The following EPHA6 variants were observed in gnomAD, a reference collection of about 807,000 sequenced individuals.
EPHA6 encodes EPH receptor A6, also known as ephrin type-A receptor 6.
In EPHA6, 50 loss-of-function variants were observed where a neutral mutation model predicts 112.0. That is an observed-to-expected ratio of 0.45 (90% confidence interval 0.36 to 0.56). The LOEUF (loss-of-function observed/expected upper bound fraction) is 0.56, where lower values mean the gene tolerates loss of function less well. EPHA6 is among the 20% of genes least tolerant of loss of function. The pLI, the probability that EPHA6 is intolerant of heterozygous loss-of-function variation, is 0.00. For missense variants in EPHA6, 1,280 were observed against 1,417.4 expected (o/e 0.90, Z 1.56); for synonymous variants, 529 against 490.7 (o/e 1.08, Z -1.03).
chr3:96,848,302 A>G (rs561474642), intron 1 of EPHA6, among the ~76,000 whole-genome samples: 47 of 152,194 alleles, frequency 3.1e-4, no homozygotes, highest in Middle Eastern at 6.8e-3. Context: ...AATGCAAGAA[A>G]ATATGTTGAA....
At chr3:97,595,722 G>A (rs1000383212) in intron 12 of EPHA6, among the ~76,000 whole-genome samples, 3 of 151,564 alleles carry the variant, frequency 2.0e-5, no homozygotes, top group Non-Finnish European at 2.9e-5. Flanking sequence ...AGAAAAGAGA[G>A]GGGAGAATAA....
At position 97,492,547 on chromosome 3, in the gene EPHA6, C is replaced by CAAAAAAAAAAAAAAAA. The variant is rs780244403; in HGVS notation, c.2200+8520_2200+8535dup. 1.7e-4 allele frequency among the ~76,000 whole-genome samples: 5 copies of CAAAAAAAAAAAAAAAA among 28,944 alleles called. 2 individuals carry two copies. The highest frequency in any genetic ancestry group is 2.4e-4 in the Non-Finnish European group (3 of 12,638). 19.0% of individuals were successfully genotyped at this position (28,944 alleles called of 152,430 possible). ...ACAGAGCGAGAGTGAGACTCAGTCT[C>CAAAAAAAAAAAAAAAA]AAAAAAAAAAAAAAAAAAAAAAAAA... On this transcript the variant is annotated intron_variant, in intron 10 of 17. Transcript: ENST00000389672.
chr3:96,988,021 T>G, intron 3 of EPHA6, 28 bp downstream of exon 3: 2 of 1,508,874 alleles, frequency 1.3e-6, no homozygotes, highest in Non-Finnish European at 1.8e-6. Flanking sequence ...AAATAATTTA[T>G]CTTGCATTTA....
At chr3:97,719,629 G>A (rs1244132581) in intron 14 of EPHA6, among the ~76,000 whole-genome samples, 2 of 152,064 alleles carry the variant, frequency 1.3e-5, no homozygotes, top group Non-Finnish European at 2.9e-5. Flanking sequence ...CCTTTAATAT[G>A]TTAAAATGTT....
At chr3:97,505,031 G>T (rs1234670366) in intron 10 of EPHA6, among the ~76,000 whole-genome samples, 1 of 151,714 alleles carries the variant, frequency 6.6e-6, no homozygotes, top group Non-Finnish European at 1.5e-5. Context: ...GGTTACCTTT[G>T]TCATCCCCAG....
chr3:97,130,206 A>T (rs1406462378), intron 3 of EPHA6, among the ~76,000 whole-genome samples: 1 of 151,858 alleles, frequency 6.6e-6, no homozygotes, highest in Non-Finnish European at 1.5e-5. Flanking sequence ...TCTCTCTTGG[A>T]TTATGCACAT....
intron 11 of EPHA6, among the ~76,000 whole-genome samples, chr3:97,569,051 T>G (rs1377900662): frequency 1.3e-5 from 2 of 152,160 alleles, no homozygotes; most frequent in Non-Finnish European, 2.9e-5. Context: ...AGTAGGATTT[T>G]TGCTCAGACT....
chr3:97,436,167 A>T (rs565419666), intron 6 of EPHA6, among the ~76,000 whole-genome samples: 16 of 152,312 alleles, frequency 1.1e-4, no homozygotes, highest in African/African-American at 3.8e-4. Context: ...TGATGAAGTT[A>T]GATCATTATT....
intron 14 of EPHA6, among the ~76,000 whole-genome samples, chr3:97,700,822 G>A (rs767730803): frequency 4.6e-5 from 7 of 152,310 alleles, no homozygotes; most frequent in Non-Finnish European, 8.8e-5. Flanking sequence ...GTACAAAGAT[G>A]TAATTTTCTC....
chr3:96,991,693 A>G (rs2043223045), intron 3 of EPHA6, among the ~76,000 whole-genome samples: 1 of 152,182 alleles, frequency 6.6e-6, no homozygotes, highest in Non-Finnish European at 1.5e-5. Flanking sequence ...AAGGTTTATC[A>G]CATTAGGACA....
chr3:96,828,824 T>C (rs1039170794), intron 1 of EPHA6, among the ~76,000 whole-genome samples: 1 of 152,136 alleles, frequency 6.6e-6, no homozygotes, highest in Non-Finnish European at 1.5e-5. Context: ...CTGCCTGATA[T>C]CCAGCCAAGA....
intron 1 of EPHA6, among the ~76,000 whole-genome samples, chr3:96,816,946 A>T (rs950831111): frequency 6.6e-6 from 1 of 152,032 alleles, no homozygotes; most frequent in Non-Finnish European, 1.5e-5. Flanking sequence ...TGCCAAACAT[A>T]TGTAATTTAT....
At chr3:97,669,544 T>C (rs990829696) in intron 14 of EPHA6, among the ~76,000 whole-genome samples, 1 of 151,752 alleles carries the variant, frequency 6.6e-6, no homozygotes. Flanking sequence ...GGAGGATTGC[T>C]TGAGCTCAGG....
chr3:97,478,539 G>C (rs1420912698), intron 8 of EPHA6, among the ~76,000 whole-genome samples: 6 of 152,046 alleles, frequency 3.9e-5, no homozygotes, highest in Non-Finnish European at 8.8e-5. Flanking sequence ...ATTAGAAATT[G>C]CTTTAACATT....
rs371819333 is a variant in EPHA6, at chr3:97,647,426, A to G, written c.2784+9344A>G. Among the ~76,000 whole-genome samples the G allele has an allele frequency of 2.2e-4, 34 of 152,254 alleles. No individual in the cohort carries two copies. The South Asian group carries it at 2.7e-3, about 12-fold the overall frequency. ...AACTAAAATACATCAAGCTTTTTCA[A>G]AGAAACTTTAAGATCTGATAATGGC... On this transcript the variant is annotated intron_variant, in intron 14 of 17. Transcript: ENST00000389672.
At chr3:97,092,673 G>C (rs988808105) in intron 3 of EPHA6, among the ~76,000 whole-genome samples, 3 of 151,946 alleles carry the variant, frequency 2.0e-5, no homozygotes, top group Non-Finnish European at 2.9e-5. Context: ...TTTTCAACTT[G>C]AAGTGTGACT....
chr3:97,488,885 T>C (rs1360769664), intron 10 of EPHA6, among the ~76,000 whole-genome samples: 1 of 152,224 alleles, frequency 6.6e-6, no homozygotes, highest in Non-Finnish European at 1.5e-5. Flanking sequence ...TACTCAATAA[T>C]TTCAGAGCTT....
chr3:97,340,905 G>A (rs1476859847), intron 5 of EPHA6, among the ~76,000 whole-genome samples: 1 of 152,152 alleles, frequency 6.6e-6, no homozygotes, highest in African/African-American at 2.4e-5. Context: ...AGTCATGCTG[G>A]AGATTAGGGC....
intron 11 of EPHA6, among the ~76,000 whole-genome samples, chr3:97,579,210 C>T (rs372274889): frequency 2.0e-5 from 3 of 152,156 alleles, no homozygotes; most frequent in African/African-American, 7.2e-5. Flanking sequence ...TACCTAATCT[C>T]CTTAGGTATC....
Sources: gnomAD v4.1 joint callset for allele counts (sites outside exome capture counted in the v4.1 genomes callset) on GRCh38, gnomAD v4.1.1 for gene constraint, MANE v1.5 for transcripts, NCBI Gene and HGNC (gene_info 2026-07-23, HGNC 2026-07-21) for gene names.